Variants in MYRIP observed in about 807,000 individuals in gnomAD.
The protein encoded by MYRIP is rab effector MyRIP.
MYRIP carries 49 observed loss-of-function variants against 98.0 expected under a neutral mutation model. That is an observed-to-expected ratio of 0.50 (90% CI 0.40 to 0.63). The LOEUF is 0.63. MYRIP is among the 30% of genes least tolerant of loss of function. MYRIP has a pLI of 0.00. For missense variants in MYRIP, 1,004 were observed against 1,058.2 expected (o/e 0.95, Z 0.71); for synonymous variants, 404 against 409.5 (o/e 0.99, Z 0.16).
chr3:40,151,823 A>G (rs916445655), intron 4 of MYRIP, among the ~76,000 whole-genome samples: 1 of 152,198 alleles, frequency 6.6e-6, no homozygotes, highest in Non-Finnish European at 1.5e-5. Context: ...GTTTCTTTCT[A>G]TCTGGTGGCA....
intron 2 of MYRIP, among the ~76,000 whole-genome samples, chr3:39,937,067 C>T (rs759227315): frequency 9.9e-5 from 15 of 152,146 alleles, no homozygotes; most frequent in Non-Finnish European, 1.9e-4. Flanking sequence ...TCTGCCTACC[C>T]ACCCCCATAC....
chr3:40,234,517 G>C (rs952583225), intron 12 of MYRIP, among the ~76,000 whole-genome samples: 5 of 144,976 alleles, frequency 3.4e-5, no homozygotes, highest in East Asian at 2.1e-4. Context: ...GTGTAGATAT[G>C]GGCTGCTGGG....
intron 10 of MYRIP, among the ~76,000 whole-genome samples, chr3:40,204,252 C>G (rs1453717870): frequency 2.1e-5 from 2 of 96,550 alleles, no homozygotes; most frequent in African/African-American, 4.0e-5. Context: ...TTTTTTGAGA[C>G]AGAGTCTCAC....
At chr3:40,184,078 G>T (rs937945708) in intron 9 of MYRIP, among the ~76,000 whole-genome samples, 15 of 152,170 alleles carry the variant, frequency 9.9e-5, no homozygotes, top group African/African-American at 3.6e-4. Context: ...TATGTATATG[G>T]TGTTTGCTTT....
intron 2 of MYRIP, among the ~76,000 whole-genome samples, chr3:39,951,187 G>A (rs763891364): frequency 6.6e-6 from 1 of 152,130 alleles, no homozygotes; most frequent in Non-Finnish European, 1.5e-5. Flanking sequence ...TTGATGTGAT[G>A]TCAGTGTATT....
chr3:40,156,352 A>G (rs1950237518), intron 4 of MYRIP, among the ~76,000 whole-genome samples: 1 of 151,898 alleles, frequency 6.6e-6, no homozygotes, highest in Non-Finnish European at 1.5e-5. Context: ...ATTGATCTAT[A>G]TTTCTGTTTT....
At chr3:40,077,431 A>G (rs948190954) in intron 3 of MYRIP, among the ~76,000 whole-genome samples, 2 of 152,080 alleles carry the variant, frequency 1.3e-5, no homozygotes, top group African/African-American at 4.8e-5. Flanking sequence ...AAGGTTCTCC[A>G]CATCCCCACC....
intron 2 of MYRIP, among the ~76,000 whole-genome samples, chr3:39,953,826 T>C (rs1945088336): frequency 6.6e-6 from 1 of 152,120 alleles, no homozygotes; most frequent in African/African-American, 2.4e-5. Context: ...CCCGCCCTAA[T>C]ACTGCACTTT....
intron 11 of MYRIP, chr3:40,233,015 G>A (rs1952706862): frequency 6.6e-6 from 1 of 152,232 alleles, no homozygotes. Flanking sequence ...CTCACTTGGA[G>A]GTTTGGCATT....
intron 11 of MYRIP, among the ~76,000 whole-genome samples, chr3:40,213,823 C>T (rs1039077555): frequency 6.6e-6 from 1 of 152,190 alleles, no homozygotes; most frequent in Non-Finnish European, 1.5e-5. Context: ...AGAAATACCA[C>T]TCCCAGGAGC....
intron 4 of MYRIP, among the ~76,000 whole-genome samples, chr3:40,158,249 A>G (rs888958868): frequency 6.6e-6 from 1 of 152,108 alleles, no homozygotes; most frequent in Non-Finnish European, 1.5e-5. Context: ...TTATTTCGTT[A>G]TGTACCCAGT....
chr3:39,916,401 T>C (rs1219961475), intron 2 of MYRIP, among the ~76,000 whole-genome samples: 1 of 117,266 alleles, frequency 8.5e-6, no homozygotes, highest in East Asian at 2.4e-4. Flanking sequence ...TCCTTTTATA[T>C]TGAGAACAAA....
chr3:40,252,931 C>T (rs1032461474), intron 16 of MYRIP, among the ~76,000 whole-genome samples: 9 of 152,166 alleles, frequency 5.9e-5, no homozygotes, highest in South Asian at 2.1e-4. Flanking sequence ...ATTAAGAAAG[C>T]GTTTAAGCTC....
chr3:39,926,230 A>G (rs1944419785), intron 2 of MYRIP, among the ~76,000 whole-genome samples: 1 of 152,094 alleles, frequency 6.6e-6, no homozygotes, highest in Non-Finnish European at 1.5e-5. Flanking sequence ...GATTCTGGAT[A>G]TTAGACCTTT....
intron 2 of MYRIP, among the ~76,000 whole-genome samples, chr3:40,036,796 T>C (rs11129861): frequency 0.91 from 138,248 of 152,074 alleles, 63,688 homozygotes; most frequent in Non-Finnish European, 0.98. Context: ...TGGCTAAAAC[T>C]TCAATCAAAC....
At position 40,212,153 on chromosome 3, in the gene MYRIP, C is replaced by CTT. The variant is rs1951958436; in HGVS notation, c.1905+2060_1905+2061insTT. 2.8e-4 allele frequency among the ~76,000 whole-genome samples: 2 copies of CTT among 7,032 alleles called. 1 individual carries two copies. The highest frequency in any genetic ancestry group is 7.2e-4 in the Non-Finnish European group (2 of 2,760). 4.6% of individuals were successfully genotyped at this position (7,032 alleles called of 152,430 possible). A position where few individuals can be genotyped will look rare whatever the true frequency, so the allele number is the denominator to read the frequency against. On this transcript the variant is annotated intron_variant, in intron 11 of 16. Transcript: ENST00000302541. ...GTGTATATATATATACATATATATA[C>CTT]GTGTATATATATATACATATATATA...
At chr3:39,892,765 C>T (rs185555207) in intron 1 of MYRIP, among the ~76,000 whole-genome samples, 207 of 152,294 alleles carry the variant, frequency 1.4e-3, no homozygotes, top group Non-Finnish European at 2.2e-3. Context: ...TCATGAATGA[C>T]TGCTCTTAAG....
intron 3 of MYRIP, among the ~76,000 whole-genome samples, chr3:40,056,815 T>A (rs1032150428): frequency 6.6e-6 from 1 of 152,178 alleles, no homozygotes; most frequent in Non-Finnish European, 1.5e-5. Flanking sequence ...GTTGGGTACC[T>A]TCCCGAAGTT....
intron 16 of MYRIP, among the ~76,000 whole-genome samples, chr3:40,257,055 G>A (rs1362284437): frequency 1.3e-5 from 2 of 152,182 alleles, no homozygotes; most frequent in East Asian, 3.8e-4. Context: ...GCCAAGCAAG[G>A]TGGCTCACAC....
Sources: gnomAD v4.1 joint callset for allele counts (sites outside exome capture counted in the v4.1 genomes callset) on GRCh38, gnomAD v4.1.1 for gene constraint, MANE v1.5 for transcripts, NCBI Gene and HGNC (gene_info 2026-07-23, HGNC 2026-07-21) for gene names.